Variants in CCSER1 observed in about 807,000 individuals in gnomAD.
CCSER1 encodes the protein serine-rich coiled-coil domain-containing protein 1.
Under a neutral mutation model 82.0 loss-of-function variants are expected in CCSER1, and 41 were observed. The ratio of observed to expected loss-of-function variants is 0.50; its 90% CI spans 0.39 to 0.65. The LOEUF is 0.65. CCSER1 is among the 30% of genes least tolerant of loss of function. The probability of loss-of-function intolerance (pLI) is 0.00; values close to 1 mark genes in which losing one functional copy is unlikely to be tolerated. For missense variants in CCSER1, 1,119 were observed against 1,064.2 expected (o/e 1.05, Z -0.72); for synonymous variants, 414 against 383.9 (o/e 1.08, Z -0.92).
At chr4:90,929,773 C>G (rs1367663953) in intron 9 of CCSER1, among the ~76,000 whole-genome samples, 1 of 152,126 alleles carries the variant, frequency 6.6e-6, no homozygotes, top group Non-Finnish European at 1.5e-5. Flanking sequence ...GGTTATAAAG[C>G]TTGAGTTGCA....
intron 9 of CCSER1, among the ~76,000 whole-genome samples, chr4:91,004,492 C>G (rs1581312816): frequency 6.6e-6 from 1 of 152,154 alleles, no homozygotes; most frequent in Non-Finnish European, 1.5e-5. Flanking sequence ...TTAATGAAAT[C>G]AAGTGTGCAT....
intron 1 of CCSER1, among the ~76,000 whole-genome samples, chr4:90,276,072 T>C (rs1727470541): frequency 6.6e-6 from 1 of 152,136 alleles, no homozygotes; most frequent in African/African-American, 2.4e-5. Flanking sequence ...TTCTGTTGCC[T>C]TCTAGCCCAC....
chr4:90,705,400 A>C (rs893767419), intron 6 of CCSER1, among the ~76,000 whole-genome samples: 14 of 152,184 alleles, frequency 9.2e-5, no homozygotes, highest in Non-Finnish European at 5.9e-5. Flanking sequence ...GTTGCCTCCC[A>C]GTTAGGCTAT....
At chr4:90,801,904 T>A (rs1756872558) in intron 7 of CCSER1, among the ~76,000 whole-genome samples, 1 of 152,052 alleles carries the variant, frequency 6.6e-6, no homozygotes, top group African/African-American at 2.4e-5. Flanking sequence ...TGGTAATATA[T>A]TTTTTAGTTC....
chr4:91,081,856 G>C (rs1722794627), intron 9 of CCSER1, among the ~76,000 whole-genome samples: 1 of 152,090 alleles, frequency 6.6e-6, no homozygotes, highest in Non-Finnish European at 1.5e-5. Context: ...CAACTTACAA[G>C]GGACGTGAAG....
At chr4:91,023,153 A>C (rs1740163186) in intron 9 of CCSER1, among the ~76,000 whole-genome samples, 3 of 152,204 alleles carry the variant, frequency 2.0e-5, no homozygotes, top group African/African-American at 7.2e-5. Context: ...AAAGAAATAA[A>C]GGAGAATACA....
At chr4:91,068,601 G>GA (rs1721090147) in intron 9 of CCSER1, among the ~76,000 whole-genome samples, 1 of 152,052 alleles carries the variant, frequency 6.6e-6, no homozygotes, top group Admixed American at 6.6e-5. Context: ...TTAAAAGTGG[G>GA]AACTTAATAT....
rs70963087 is a variant in CCSER1 at position 90,861,926 on chromosome 4, A to ATTTT, written c.2094+46088_2094+46091dup. Among the ~76,000 whole-genome samples, 366 of 125,652 alleles carry ATTTT rather than the reference A, an allele frequency of 2.9e-3. 2 individuals carry two copies. The highest frequency in any genetic ancestry group is 0.017 in the Middle Eastern group (4 of 238). 82.4% of individuals were successfully genotyped at this position (125,652 alleles called of 152,430 possible). The stretch of plus-strand genomic sequence containing the variant: ...GACTCATATATATATATATATATAT[A>ATTTT]TTTTTTTTTTCTGTTAGACTAGTGT... On this transcript the variant is annotated intron_variant, in intron 8 of 10. Transcript: ENST00000509176.
intron 10 of CCSER1, among the ~76,000 whole-genome samples, chr4:91,567,870 T>A (rs1013006980): frequency 6.6e-6 from 1 of 152,088 alleles, no homozygotes; most frequent in African/African-American, 2.4e-5. Context: ...ACACTCAAGG[T>A]TAGTATTGAT....
In CCSER1 at chr4:90,312,927, G is replaced by C. The variant is rs767953601; in HGVS notation, c.1389G>C (p.Ser463=). 3.8e-6 allele frequency: 6 copies of C among 1,587,710 alleles called. No homozygotes were observed. The highest frequency in any genetic ancestry group is 3.4e-6 in the Non-Finnish European group (4 of 1,165,836). Reference sequence around the variant, plus strand: ...TTATAGAGAGGAGACTGCGATCCTCGTCAGAAGGCACTGCAGGGAGTAGCA... The same window carrying C: ...TTATAGAGAGGAGACTGCGATCCTCCTCAGAAGGCACTGCAGGGAGTAGCA... ...GRFIERRLRS[S]SEGTAGSSRM... is the part of the protein sequence containing the mutation. Residue 463 remains serine (S), a synonymous_variant, in exon 3 of 11, where the codon TCG becomes TCC. Transcript: ENST00000509176.
intron 9 of CCSER1, among the ~76,000 whole-genome samples, chr4:90,934,646 T>C (rs537352209): frequency 1.3e-5 from 2 of 152,198 alleles, no homozygotes; most frequent in East Asian, 1.9e-4. Context: ...ATTGGGGGAC[T>C]ATCTGCTGGG....
intron 10 of CCSER1, among the ~76,000 whole-genome samples, chr4:91,205,342 A>G (rs1228000590): frequency 6.6e-6 from 1 of 151,858 alleles, no homozygotes; most frequent in Non-Finnish European, 1.5e-5. Flanking sequence ...TATTGTTAAT[A>G]AGTATCAGTT....
At position 90,970,091 on chromosome 4, in the gene CCSER1, T is replaced by A. The variant is rs576177379; in HGVS notation, c.2172+46644T>A. Among the ~76,000 whole-genome samples, 70 of 151,838 alleles carry A rather than the reference T, an allele frequency of 4.6e-4. 1 individual carries two copies. The highest frequency in any genetic ancestry group is 1.6e-3 in the African/African-American group (66 of 41,372). ...AACAACAAGATGGTAATTTTCCAAA[T>A]CTAGTCATTACCTATATAATTATTG... is the stretch of plus-strand genomic sequence containing the variant. On this transcript the variant is annotated intron_variant, in intron 9 of 10. Coordinates refer to ENST00000509176, the MANE Select transcript of CCSER1 (RefSeq NM_001145065.2).
At chr4:90,155,997 C>G (rs1297902225) in intron 1 of CCSER1, among the ~76,000 whole-genome samples, 4 of 152,088 alleles carry the variant, frequency 2.6e-5, no homozygotes, top group African/African-American at 9.7e-5. Flanking sequence ...CCTGCTTCCT[C>G]TTGTGGGCAT....
chr4:90,707,764 G>A (rs375344199), intron 6 of CCSER1, among the ~76,000 whole-genome samples: 13 of 152,158 alleles, frequency 8.5e-5, no homozygotes, highest in Non-Finnish European at 1.8e-4. Flanking sequence ...ACATGAGAGT[G>A]CAAATACAAG....
At chr4:90,139,011 T>A (rs1724226484) in intron 1 of CCSER1, among the ~76,000 whole-genome samples, 1 of 152,224 alleles carries the variant, frequency 6.6e-6, no homozygotes, top group Admixed American at 6.5e-5. Flanking sequence ...TAATTGATGG[T>A]CCTTGTTGAG....
At chr4:90,932,380 T>C (rs1158589466) in intron 9 of CCSER1, among the ~76,000 whole-genome samples, 1 of 152,200 alleles carries the variant, frequency 6.6e-6, no homozygotes, top group Non-Finnish European at 1.5e-5. Context: ...TGTGGTCTAA[T>C]ATAGAGTAAC....
In CCSER1 at chr4:90,308,911, C is replaced by T. The variant is rs1415705670; in HGVS notation, c.627C>T (p.Phe209=). 2.5e-6 allele frequency: 4 copies of T among 1,613,850 alleles called. No homozygotes were observed. The highest frequency in any genetic ancestry group is 1.6e-4 in the Middle Eastern group (1 of 6,062). The change falls in exon 2 of 11, where the codon TTC becomes TTT. Residue 209 remains phenylalanine, a synonymous_variant. Transcript: ENST00000509176. ...QSISLVQQSE[F]SLEVTQYQER... is the part of the protein sequence containing the mutation. The stretch of plus-strand genomic sequence containing the variant: ...TTTCATTGGTACAACAGTCTGAATT[C>T]TCATTGGAAGTTACACAGTACCAAG...
intron 10 of CCSER1, among the ~76,000 whole-genome samples, chr4:91,264,827 A>G (rs1309374383): frequency 6.6e-6 from 1 of 152,058 alleles, no homozygotes; most frequent in African/African-American, 2.4e-5. Context: ...TTGTGAAAGA[A>G]AAATCTGATT....
Sources: gnomAD v4.1 joint callset for allele counts (sites outside exome capture counted in the v4.1 genomes callset) on GRCh38, gnomAD v4.1.1 for gene constraint, MANE v1.5 for transcripts, NCBI Gene and HGNC (gene_info 2026-07-23, HGNC 2026-07-21) for gene names.